Variants in LIN54 observed in about 807,000 individuals in gnomAD.
LIN54 encodes lin-54 DREAM MuvB core complex component.
LIN54 carries 9 observed loss-of-function variants against 78.7 expected under a neutral mutation model. The ratio of observed to expected loss-of-function variants is 0.11; its 90% CI spans 0.07 to 0.20. The LOEUF (loss-of-function observed/expected upper bound fraction) is 0.20, where lower values mean the gene tolerates loss of function less well. Ranked by LOEUF, LIN54 falls within the 10% of genes least tolerant of loss-of-function variation. LIN54 has a pLI of 1.00. For missense variants in LIN54, 573 were observed against 889.9 expected (o/e 0.64, Z 4.53); for synonymous variants, 269 against 318.4 (o/e 0.84, Z 1.65).
At position 82,936,262 on chromosome 4, in the gene LIN54, A is replaced by C. The variant is rs762991544; in HGVS notation, c.1707+17T>G. The C allele has an allele frequency of 2.6e-6, 4 of 1,523,664 alleles. No homozygotes were observed. The East Asian group carries it at 6.9e-5, about 26-fold the overall frequency. The allele number at this position is 1,523,664 out of a possible 1,614,324, so 94.4% of individuals were successfully genotyped here. A position where few individuals can be genotyped will look rare whatever the true frequency, so the allele number is the denominator to read the frequency against. On this transcript the variant is annotated intron_variant, in intron 10 of 12. Transcript: ENST00000340417. ...ACTGGATATTTCTGTCAGTTAAATG[A>C]AATAAAAAATAATCACCTTTATTGC...
chr4:82,974,253 C>T (rs1725955660), intron 3 of LIN54, among the ~76,000 whole-genome samples: 1 of 151,534 alleles, frequency 6.6e-6, no homozygotes, highest in Admixed American at 6.6e-5. Flanking sequence ...AAAAATTGTG[C>T]TAGGTTCTGG....
intron 4 of LIN54, among the ~76,000 whole-genome samples, chr4:82,968,551 T>C (rs1458431984): frequency 2.6e-5 from 4 of 152,092 alleles, no homozygotes; most frequent in Non-Finnish European, 5.9e-5. Flanking sequence ...GCTACTAGTG[T>C]AGTTCAAACA....
At chr4:82,972,581 T>C (rs1404281005) in intron 3 of LIN54, among the ~76,000 whole-genome samples, 1 of 152,152 alleles carries the variant, frequency 6.6e-6, no homozygotes, top group East Asian at 1.9e-4. Context: ...CCAATAACCA[T>C]TCTGTTAAGA....
intron 11 of LIN54, among the ~76,000 whole-genome samples, chr4:82,934,132 C>T (rs1427042420): frequency 1.3e-5 from 2 of 152,108 alleles, no homozygotes; most frequent in Non-Finnish European, 2.9e-5. Context: ...CAACTTGCGA[C>T]GGTGGCTCAT....
chr4:82,947,231 A>ATTTTTTTTTTTTTTTTTT (rs1390095473), intron 4 of LIN54, among the ~76,000 whole-genome samples: 3 of 13,950 alleles, frequency 2.2e-4, no homozygotes, highest in African/African-American at 6.1e-4. Context: ...ATATATATAT[A>ATTTTTTTTTTTTTTTTTT]TATATTTTTT....
At chr4:82,938,624 T>C in intron 7 of LIN54, 120 bp from the exon 8 acceptor site, 1 of 627,818 alleles carries the variant, frequency 1.6e-6, no homozygotes, top group Non-Finnish European at 2.8e-6. Context: ...CAATGGAGAA[T>C]ATCACACAAA....
At chr4:82,965,982 T>C (rs1220185266) in intron 4 of LIN54, among the ~76,000 whole-genome samples, 2 of 152,228 alleles carry the variant, frequency 1.3e-5, no homozygotes, top group Non-Finnish European at 2.9e-5. Context: ...TGTGGCCTAG[T>C]ATCCTTTTTG....
intron 11 of LIN54, among the ~76,000 whole-genome samples, chr4:82,933,041 T>G (rs1722099981): frequency 1.3e-5 from 2 of 151,962 alleles, no homozygotes; most frequent in Non-Finnish European, 2.9e-5. Context: ...ACACATTTAC[T>G]CTGCTCCTTT....
At position 82,946,337 on chromosome 4, in the gene LIN54, A is replaced by G. The variant is rs932533617; in HGVS notation, c.1089T>C (p.Leu363=). The G allele has an allele frequency of 9.3e-6, 15 of 1,614,096 alleles. No individual in the cohort carries two copies. The highest frequency in any genetic ancestry group is 1.0e-5 in the Non-Finnish European group (12 of 1,180,030). Residue 363 remains leucine, a synonymous_variant, in exon 5 of 13, where the codon CTT becomes CTC. Transcript: ENST00000340417. ...VPGSKFHYVR[L]VTATSASSST... is the part of the protein sequence containing the mutation. ...AGCTACTGGCTGATGTGGCAGTAAC[A>G]AGTCGGACATAATGAAACTTGCTTC...
upstream of LIN54, among the ~76,000 whole-genome samples, chr4:83,011,753 C>A (rs1463347665): frequency 1.3e-5 from 2 of 148,412 alleles, no homozygotes; most frequent in Admixed American, 6.8e-5. Context: ...AGAGGTAATT[C>A]TTAATCATTT....
intron 1 of LIN54, among the ~76,000 whole-genome samples, chr4:82,988,988 A>G (rs1727428852): frequency 6.6e-6 from 1 of 152,100 alleles, no homozygotes; most frequent in Non-Finnish European, 1.5e-5. Context: ...GGAGATCGAG[A>G]CCATCCTGTC....
In LIN54 at chr4:82,993,367, C is replaced by A. The variant is rs377131833; in HGVS notation, c.-32-8491G>T. ...AAGTAGCTGGGATTATAGGCATGCG[C>A]CACCACCCCTGGCTAATTTTTTGTA... On this transcript the variant is annotated intron_variant, in intron 1 of 12. Transcript: ENST00000340417. 3.8e-4 allele frequency among the ~76,000 whole-genome samples: 58 copies of A among 151,442 alleles called. 1 individual carries two copies. The East Asian group carries it at 0.011, about 30-fold the overall frequency.
intron 3 of LIN54, among the ~76,000 whole-genome samples, chr4:82,972,841 C>T (rs778904775): frequency 1.3e-5 from 2 of 150,406 alleles, no homozygotes; most frequent in Non-Finnish European, 2.9e-5. Flanking sequence ...ATTAGCCAGG[C>T]GTGGTAGCGT....
At chr4:83,001,875 G>A (rs375821152) in intron 1 of LIN54, among the ~76,000 whole-genome samples, 4,802 of 5,532 alleles carry the variant, frequency 0.87, 2,156 homozygotes, top group Non-Finnish European at 0.94. Context: ...AGGAAGGAAG[G>A]AAGGAAGGAA....
At chr4:82,935,140 T>C (rs994044921) in intron 11 of LIN54, among the ~76,000 whole-genome samples, 1 of 152,024 alleles carries the variant, frequency 6.6e-6, no homozygotes, top group South Asian at 2.1e-4. Context: ...CAAAGCAAAC[T>C]TAACATACTT....
At chr4:82,995,487 CTCTTTT>C (rs1728121872) in intron 1 of LIN54, among the ~76,000 whole-genome samples, 1 of 72,158 alleles carries the variant, frequency 1.4e-5, no homozygotes, top group Non-Finnish European at 2.4e-5. Context: ...ACATCCTTAT[CTCTTTT>C]TTTTTTTTTT....
At chr4:82,981,623 C>T (rs374985914) in intron 2 of LIN54, among the ~76,000 whole-genome samples, 21 of 152,182 alleles carry the variant, frequency 1.4e-4, no homozygotes, top group Admixed American at 9.2e-4. Context: ...GATGGAAAGA[C>T]TTAAGTCGCC....
chr4:82,998,118 T>C (rs973761934), intron 1 of LIN54, among the ~76,000 whole-genome samples: 2 of 151,150 alleles, frequency 1.3e-5, no homozygotes, highest in African/African-American at 2.4e-5. Context: ...TACACTACTA[T>C]TGCAGAAACA....
intron 4 of LIN54, among the ~76,000 whole-genome samples, chr4:82,957,848 T>G (rs1337458672): frequency 6.6e-6 from 1 of 152,196 alleles, no homozygotes; most frequent in African/African-American, 2.4e-5. Context: ...CTATTTTTGC[T>G]CTCTACTGAT....
Sources: allele counts gnomAD v4.1 joint callset (sites outside exome capture counted in the v4.1 genomes callset), GRCh38; gene constraint gnomAD v4.1.1; transcripts MANE v1.5; gene names NCBI Gene and HGNC (gene_info 2026-07-23, HGNC 2026-07-21).